Variants in NLGN1 observed in about 807,000 individuals in gnomAD.
NLGN1 encodes neuroligin 1.
In NLGN1, 12 loss-of-function variants were observed where a neutral mutation model predicts 65.5. The observed-to-expected ratio is 0.18, with a 90% CI of 0.12 to 0.30. The LOEUF is 0.30. NLGN1 is among the 10% of genes least tolerant of loss of function. The pLI is 1.00. For synonymous variants in NLGN1, 350 were observed against 359.5 expected (o/e 0.97, Z 0.30); for missense variants, 750 against 1,007.1 (o/e 0.74, Z 3.46).
chr3:173,995,829 G>A (rs919055389), intron 4 of NLGN1, among the ~76,000 whole-genome samples: 1 of 151,352 alleles, frequency 6.6e-6, no homozygotes, highest in South Asian at 2.1e-4. Context: ...TGGGACTCCC[G>A]GTGCACATAC....
rs1168837585 is a variant in NLGN1, at chr3:174,116,330, C to CTTTTTTTTTTTTTTTTT, written c.647-158974_647-158958dup. ...ACATGTAAGTTTTTTTCTGGGTTTT[C>CTTTTTTTTTTTTTTTTT]TTTTTTTTTTTTTTTTTTTTTTTTT... On this transcript the variant is annotated intron_variant, in intron 4 of 6. Transcript: ENST00000457714. Among the ~76,000 whole-genome samples the CTTTTTTTTTTTTTTTTT allele has an allele frequency of 1.7e-4, 12 of 69,634 alleles. 6 individuals are homozygous for CTTTTTTTTTTTTTTTTT. The highest frequency in any genetic ancestry group is 9.6e-5 in the African/African-American group (2 of 20,740). The allele number at this position is 69,634 out of a possible 152,430, so 45.7% of individuals were successfully genotyped here.
intron 4 of NLGN1, among the ~76,000 whole-genome samples, chr3:174,208,074 G>T (rs1277197907): frequency 1.4e-4 from 22 of 152,152 alleles, no homozygotes; most frequent in Admixed American, 1.4e-3. Context: ...AATGCCTTTT[G>T]GGGGCATGAA....
intron 3 of NLGN1, among the ~76,000 whole-genome samples, chr3:173,775,990 A>G (rs1780242246): frequency 6.6e-6 from 1 of 152,100 alleles, no homozygotes; most frequent in Non-Finnish European, 1.5e-5. Context: ...TCTTTACTGT[A>G]TATTATACAC....
intron 4 of NLGN1, among the ~76,000 whole-genome samples, chr3:174,269,162 T>C (rs1162526899): frequency 6.6e-6 from 1 of 151,862 alleles, no homozygotes. Flanking sequence ...GGAGAATTTT[T>C]TTATTATTAT....
At chr3:173,972,451 C>T (rs544157624) in intron 4 of NLGN1, among the ~76,000 whole-genome samples, 9 of 152,236 alleles carry the variant, frequency 5.9e-5, no homozygotes, top group Non-Finnish European at 1.2e-4. Context: ...GTACAAATCA[C>T]ACTTATTTGG....
chr3:173,470,167 G>T (rs1053570734), intron 2 of NLGN1, among the ~76,000 whole-genome samples: 1 of 151,902 alleles, frequency 6.6e-6, no homozygotes, highest in Non-Finnish European at 1.5e-5. Flanking sequence ...AACCCAATGG[G>T]GACTTCTTTT....
intron 4 of NLGN1, among the ~76,000 whole-genome samples, chr3:173,942,109 G>GGTGTGTGTGTGTGTGT (rs1050946666): frequency 2.1e-5 from 3 of 144,068 alleles, no homozygotes; most frequent in African/African-American, 5.2e-5. Context: ...GGTGGTTGGG[G>GGTGTGTGTGTGTGTGT]GTGTGTGTGT....
chr3:173,860,906 G>T (rs1578841701), intron 4 of NLGN1, among the ~76,000 whole-genome samples: 1 of 152,152 alleles, frequency 6.6e-6, no homozygotes, highest in Admixed American at 6.5e-5. Flanking sequence ...AGCATTCAAG[G>T]AATAGGCCTG....
intron 4 of NLGN1, among the ~76,000 whole-genome samples, chr3:174,027,767 G>T (rs1418409471): frequency 6.6e-6 from 1 of 151,960 alleles, no homozygotes. Context: ...GAGGGAATGT[G>T]GTCCTATACA....
rs541446637 is a variant in NLGN1, at chr3:173,578,214, C to T, written c.-320-26065C>T. On this transcript the variant is annotated intron_variant, in intron 2 of 6. Transcript: ENST00000457714. ...TCGCACCACTGCACTCCAGCCTGGG[C>T]GACAGGGCCAGACTCCGTCTCAAAA... Among the ~76,000 whole-genome samples, 10 of 140,608 alleles carry T rather than the reference C, an allele frequency of 7.1e-5. No individual in the cohort carries two copies. The South Asian group carries it at 1.1e-3, about 16-fold the overall frequency. 92.2% of individuals were successfully genotyped at this position (140,608 alleles called of 152,430 possible).
chr3:173,761,978 C>A (rs998333574), intron 3 of NLGN1, among the ~76,000 whole-genome samples: 2 of 152,068 alleles, frequency 1.3e-5, no homozygotes, highest in African/African-American at 4.8e-5. Context: ...TCCAAGAAAG[C>A]AGTTGAAGGG....
chr3:173,521,868 A>C (rs1346525025), intron 2 of NLGN1, among the ~76,000 whole-genome samples: 1 of 152,214 alleles, frequency 6.6e-6, no homozygotes, highest in African/African-American at 2.4e-5. Context: ...AATTTTAAAC[A>C]TGTTTTATTT....
At chr3:173,592,819 A>G (rs543118825) in intron 2 of NLGN1, among the ~76,000 whole-genome samples, 2 of 152,212 alleles carry the variant, frequency 1.3e-5, no homozygotes, top group Non-Finnish European at 2.9e-5. Context: ...TGCCATTTGT[A>G]TGATTATAAT....
At chr3:173,901,722 C>T (rs764629065) in intron 4 of NLGN1, among the ~76,000 whole-genome samples, 3 of 151,970 alleles carry the variant, frequency 2.0e-5, no homozygotes, top group African/African-American at 4.8e-5. Context: ...TCTGAATTTA[C>T]ACAGAACACT....
At chr3:173,531,671 A>G (rs542814580) in intron 2 of NLGN1, among the ~76,000 whole-genome samples, 2 of 151,968 alleles carry the variant, frequency 1.3e-5, no homozygotes, top group Non-Finnish European at 2.9e-5. Flanking sequence ...TATAAATCTC[A>G]TGCTTTATAT....
At chr3:174,054,395 A>AT (rs1490443732) in intron 4 of NLGN1, among the ~76,000 whole-genome samples, 1 of 152,066 alleles carries the variant, frequency 6.6e-6, no homozygotes, top group Non-Finnish European at 1.5e-5. Context: ...AATAAAATCA[A>AT]TCATTAACAA....
chr3:173,925,834 T>G (rs1438325244), intron 4 of NLGN1, among the ~76,000 whole-genome samples: 1 of 152,120 alleles, frequency 6.6e-6, no homozygotes, highest in Non-Finnish European at 1.5e-5. Context: ...AGCACCCAGA[T>G]TAAGAAATAG....
chr3:173,885,237 T>TA (rs1389516174), intron 4 of NLGN1, among the ~76,000 whole-genome samples: 1 of 152,162 alleles, frequency 6.6e-6, no homozygotes, highest in Non-Finnish European at 1.5e-5. Context: ...TTTTATTATT[T>TA]AACGCATTTT....
chr3:174,101,601 G>A (rs1428013750), intron 4 of NLGN1, among the ~76,000 whole-genome samples: 2 of 152,156 alleles, frequency 1.3e-5, no homozygotes, highest in Admixed American at 6.6e-5. Context: ...GATAGCAATA[G>A]CACTGTGTTC....
Sources: allele counts gnomAD v4.1 joint callset (sites outside exome capture counted in the v4.1 genomes callset), GRCh38; gene constraint gnomAD v4.1.1; transcripts MANE v1.5; gene names NCBI Gene and HGNC (gene_info 2026-07-23, HGNC 2026-07-21).